Variants in SOX6 observed in about 807,000 individuals in gnomAD.
SOX6 encodes the protein transcription factor SOX-6.
A neutral mutation model predicts 97.8 loss-of-function variants in SOX6; 11 were observed. The observed-to-expected ratio is 0.11, with a 90% CI of 0.07 to 0.19. The LOEUF (loss-of-function observed/expected upper bound fraction) is 0.19. SOX6 is among the 10% of genes least tolerant of loss of function. The pLI, the probability that SOX6 is intolerant of heterozygous loss-of-function variation, is 1.00. For synonymous variants in SOX6, 360 were observed against 371.4 expected, an observed-to-expected ratio of 0.97 and a Z score of 0.35; for missense variants, 810 against 1,039.5, an observed-to-expected ratio of 0.78 and a Z score of 3.04.
intron 2 of SOX6, among the ~76,000 whole-genome samples, chr11:16,733,727 A>G (rs1401687469): frequency 6.7e-6 from 1 of 149,216 alleles, no homozygotes; most frequent in Non-Finnish European, 1.5e-5. Context: ...AAAGTATAAA[A>G]AAAAAAAAAA....
chr11:16,368,109 G>T (rs183180514), intron 1 of SOX6, among the ~76,000 whole-genome samples: 1 of 151,992 alleles, frequency 6.6e-6, no homozygotes, highest in East Asian at 1.9e-4. Context: ...TATTGGCCAC[G>T]AAATAATTCT....
At chr11:16,575,838 AT>A (rs904109147) in intron 4 of SOX6, among the ~76,000 whole-genome samples, 18 of 152,030 alleles carry the variant, frequency 1.2e-4, no homozygotes, top group African/African-American at 2.7e-4. Flanking sequence ...CAGTGATTTC[AT>A]TTTTTTTACC....
At chr11:16,481,080 C>T (rs1462985655), upstream of SOX6, among the ~76,000 whole-genome samples, 3 of 152,004 alleles carry the variant, frequency 2.0e-5, no homozygotes, top group Non-Finnish European at 4.4e-5. Context: ...TGCATTAAAA[C>T]TATTGCTATT....
intron 9 of SOX6, among the ~76,000 whole-genome samples, chr11:16,085,741 T>C (rs1017036992): frequency 4.6e-5 from 7 of 152,214 alleles, no homozygotes; most frequent in South Asian, 4.1e-4. Context: ...AAGACTTCTT[T>C]TAGCACAGAG....
intron 4 of SOX6, among the ~76,000 whole-genome samples, chr11:16,190,982 GTTTT>G (rs1271424027): frequency 6.6e-6 from 1 of 152,042 alleles, no homozygotes; most frequent in South Asian, 2.1e-4. Flanking sequence ...GTGAATACAA[GTTTT>G]TTTATCTTAA....
At chr11:16,190,120 T>G (rs868551994) in intron 4 of SOX6, among the ~76,000 whole-genome samples, 1 of 152,208 alleles carries the variant, frequency 6.6e-6, no homozygotes, top group Non-Finnish European at 1.5e-5. Flanking sequence ...GGTTAATAGA[T>G]ATATATAAGT....
chr11:16,158,778 C>T (rs746119199), intron 6 of SOX6, among the ~76,000 whole-genome samples: 3 of 151,912 alleles, frequency 2.0e-5, no homozygotes, highest in Non-Finnish European at 2.9e-5. Flanking sequence ...TATGACTACA[C>T]ACTTTTTCAA....
intron 1 of SOX6, among the ~76,000 whole-genome samples, chr11:16,438,961 A>C (rs1441312662): frequency 6.6e-6 from 1 of 152,228 alleles, no homozygotes; most frequent in African/African-American, 2.4e-5. Flanking sequence ...AGGAAGAAGT[A>C]TATTGTTATG....
intron 2 of SOX6, among the ~76,000 whole-genome samples, chr11:16,331,754 G>A (rs1441767770): frequency 1.3e-5 from 2 of 151,984 alleles, no homozygotes; most frequent in Non-Finnish European, 2.9e-5. Flanking sequence ...AAAGGGAAAC[G>A]GGGCACAAAA....
At chr11:16,195,267 C>T (rs758365333) in intron 4 of SOX6, among the ~76,000 whole-genome samples, 6 of 152,082 alleles carry the variant, frequency 3.9e-5, no homozygotes, top group Non-Finnish European at 8.8e-5. Context: ...GTAATTTGAC[C>T]AAGTCATAGA....
intron 12 of SOX6, among the ~76,000 whole-genome samples, chr11:16,022,704 C>T (rs546722278): frequency 1.2e-4 from 19 of 152,230 alleles, no homozygotes; most frequent in Non-Finnish European, 2.1e-4. Flanking sequence ...TGAGCCACTG[C>T]GCCCAATCAA....
At chr11:16,001,147 G>A (rs768070966) in intron 13 of SOX6, among the ~76,000 whole-genome samples, 7 of 152,098 alleles carry the variant, frequency 4.6e-5, no homozygotes, top group Non-Finnish European at 8.8e-5. Context: ...TTACAGACGT[G>A]AGCCACTGCT....
chr11:16,388,340 C>T (rs1858057735), intron 1 of SOX6, among the ~76,000 whole-genome samples: 1 of 152,080 alleles, frequency 6.6e-6, no homozygotes, highest in Non-Finnish European at 1.5e-5. Flanking sequence ...AAGATTTTTG[C>T]ATCTATGACC....
chr11:16,046,440 G>A, intron 12 of SOX6, 74 bp downstream of exon 12: 4 of 1,536,038 alleles, frequency 2.6e-6, no homozygotes, highest in Non-Finnish European at 3.6e-6. Flanking sequence ...TTGATACCTG[G>A]GAGCCTGGAA....
rs570032890 is a variant in SOX6, at chr11:16,529,929, G to T, written n.610-53541C>A. 3.5e-4 allele frequency among the ~76,000 whole-genome samples: 53 copies of T among 151,998 alleles called. 2 individuals carry two copies. The South Asian group carries it at 0.01, about 29-fold the overall frequency. Reference sequence around the variant, plus strand: ...ATTATTATTATTGCTTATATGTGTGGGTGGATAAAATGTACAGAAACGCTT... The same window carrying T: ...ATTATTATTATTGCTTATATGTGTGTGTGGATAAAATGTACAGAAACGCTT... On this transcript the variant is annotated intron_variant and non_coding_transcript_variant, in intron 4 of 5. Coordinates refer to the SOX6 transcript ENST00000524520.
At chr11:16,430,557 C>G (rs939935661) in intron 1 of SOX6, among the ~76,000 whole-genome samples, 1 of 152,118 alleles carries the variant, frequency 6.6e-6, no homozygotes, top group African/African-American at 2.4e-5. Flanking sequence ...CATAAAAACT[C>G]CCAAGAGACA....
At chr11:16,483,476 C>G (rs1795515402) in intron 4 of SOX6, among the ~76,000 whole-genome samples, 1 of 152,046 alleles carries the variant, frequency 6.6e-6, no homozygotes, top group African/African-American at 2.4e-5. Flanking sequence ...GATTTTGCTT[C>G]CCTTTGGTCA....
chr11:16,699,355 A>G (rs926456554), intron 3 of SOX6, among the ~76,000 whole-genome samples: 30 of 152,236 alleles, frequency 2.0e-4, no homozygotes, highest in African/African-American at 7.2e-4. Flanking sequence ...TCCCAACCCT[A>G]TGTTTAACCA....
At chr11:16,297,723 T>C (rs1286488434) in intron 3 of SOX6, among the ~76,000 whole-genome samples, 2 of 152,156 alleles carry the variant, frequency 1.3e-5, no homozygotes, top group African/African-American at 2.4e-5. Flanking sequence ...ATATATCACT[T>C]TTTCAAGACA....
Sources: gnomAD v4.1 joint callset for allele counts (sites outside exome capture counted in the v4.1 genomes callset) on GRCh38, gnomAD v4.1.1 for gene constraint, MANE v1.5 for transcripts, NCBI Gene and HGNC (gene_info 2026-07-23, HGNC 2026-07-21) for gene names.